The following PSD3 variants were observed in gnomAD, a reference collection of about 807,000 sequenced individuals.
PSD3 encodes the protein pleckstrin and Sec7 domain containing 3, also known as PH and SEC7 domain-containing protein 3.
In PSD3, 49 loss-of-function variants were observed where a neutral mutation model predicts 105.5. The observed-to-expected ratio is 0.46, with a 90% confidence interval of 0.37 to 0.59. The LOEUF is 0.59. PSD3 is among the 20% of genes least tolerant of loss of function. PSD3 has a pLI of 0.00. For synonymous variants in PSD3, 557 were observed against 457.8 expected, an observed-to-expected ratio of 1.22 and a Z score of -2.77; for missense variants, 1,561 against 1,263.8, an observed-to-expected ratio of 1.24 and a Z score of -3.57.
intron 1 of PSD3, among the ~76,000 whole-genome samples, chr8:19,081,260 A>C (rs947237961): frequency 2.0e-5 from 3 of 152,236 alleles, no homozygotes; most frequent in African/African-American, 7.2e-5. Flanking sequence ...GGCTGGACTC[A>C]TTCGTACAAG....
At chr8:18,846,129 T>G (rs1205444867) in intron 4 of PSD3, among the ~76,000 whole-genome samples, 3 of 152,168 alleles carry the variant, frequency 2.0e-5, no homozygotes, top group Non-Finnish European at 4.4e-5. Flanking sequence ...ATTTGCAGAT[T>G]CCCTCATGAT....
chr8:18,661,847 G>A (rs1317474367), intron 9 of PSD3, among the ~76,000 whole-genome samples: 1 of 152,282 alleles, frequency 6.6e-6, no homozygotes, highest in Non-Finnish European at 1.5e-5. Flanking sequence ...TTCCCTTTAA[G>A]CTATTTGTGT....
intron 9 of PSD3, among the ~76,000 whole-genome samples, chr8:18,723,570 A>G (rs994703450): frequency 6.6e-6 from 1 of 152,084 alleles, no homozygotes; most frequent in Non-Finnish European, 1.5e-5. Flanking sequence ...TTCCCTTTCT[A>G]TTTTGAGGTG....
At chr8:18,953,547 A>C (rs11984816) in intron 1 of PSD3, among the ~76,000 whole-genome samples, 1 of 151,950 alleles carries the variant, frequency 6.6e-6, no homozygotes, top group Non-Finnish European at 1.5e-5. Flanking sequence ...TCAGGAGTTC[A>C]AGACCAGCCT....
chr8:19,046,399 G>A (rs117200464), intron 1 of PSD3, among the ~76,000 whole-genome samples: 12,869 of 152,134 alleles, frequency 0.085, 723 homozygotes, highest in Non-Finnish European at 0.13. Flanking sequence ...CTGAGCCACC[G>A]TGCCTGGCCG....
chr8:18,947,726 G>A (rs946997874), intron 1 of PSD3, among the ~76,000 whole-genome samples: 2 of 152,160 alleles, frequency 1.3e-5, no homozygotes, highest in African/African-American at 4.8e-5. Flanking sequence ...TTAACCAGAT[G>A]GGAAGATTCT....
intron 2 of PSD3, among the ~76,000 whole-genome samples, chr8:18,903,989 T>G (rs1819677946): frequency 6.6e-6 from 1 of 152,114 alleles, no homozygotes; most frequent in Non-Finnish European, 1.5e-5. Flanking sequence ...TGATTCTGTT[T>G]TGCAGTGCTA....
chr8:18,655,595 A>C (rs747030665), intron 10 of PSD3, 47 bp downstream of exon 10: 12 of 1,565,954 alleles, frequency 7.7e-6, no homozygotes, highest in Non-Finnish European at 1.1e-5. Flanking sequence ...ACAGTAGGAA[A>C]AAAGTGAGTA....
At chr8:18,675,550 G>A (rs549498504) in intron 9 of PSD3, among the ~76,000 whole-genome samples, 2 of 152,236 alleles carry the variant, frequency 1.3e-5, no homozygotes, top group South Asian at 4.1e-4. Context: ...AGTCAGGCTA[G>A]GACTAGAGCC....
chr8:18,867,323 G>C (rs1021821149), intron 4 of PSD3, among the ~76,000 whole-genome samples: 1 of 152,138 alleles, frequency 6.6e-6, no homozygotes, highest in Non-Finnish European at 1.5e-5. Context: ...ACCACCCTCA[G>C]TGCCAGACTA....
At chr8:18,723,177 G>A (rs1424772306) in intron 9 of PSD3, among the ~76,000 whole-genome samples, 3 of 152,204 alleles carry the variant, frequency 2.0e-5, no homozygotes, top group Non-Finnish European at 4.4e-5. Flanking sequence ...GGCAGTGCAT[G>A]AACCCAGGAG....
intron 4 of PSD3, among the ~76,000 whole-genome samples, chr8:18,810,071 C>A (rs1811563228): frequency 6.6e-6 from 1 of 152,168 alleles, no homozygotes; most frequent in Non-Finnish European, 1.5e-5. Flanking sequence ...CTACTTGAAC[C>A]ACACAAATAC....
At chr8:18,565,312 C>T (rs1228909532) in intron 14 of PSD3, among the ~76,000 whole-genome samples, 1 of 152,096 alleles carries the variant, frequency 6.6e-6, no homozygotes, top group Middle Eastern at 3.2e-3. Flanking sequence ...AGAGCTACAC[C>T]AGAAGGAGAA....
intron 4 of PSD3, among the ~76,000 whole-genome samples, chr8:18,865,508 G>A (rs1301656965): frequency 6.6e-6 from 1 of 151,486 alleles, no homozygotes; most frequent in Non-Finnish European, 1.5e-5. Context: ...CTTGAATAGA[G>A]ACATACATCA....
intron 1 of PSD3, among the ~76,000 whole-genome samples, chr8:18,984,409 C>T (rs924709805): frequency 1.3e-5 from 2 of 151,876 alleles, no homozygotes; most frequent in Non-Finnish European, 2.9e-5. Flanking sequence ...CCCATGAAGA[C>T]AACATCACTG....
At chr8:18,584,251 T>C (rs1803006047) in intron 12 of PSD3, among the ~76,000 whole-genome samples, 1 of 152,222 alleles carries the variant, frequency 6.6e-6, no homozygotes, top group African/African-American at 2.4e-5. Context: ...GCCATCATTC[T>C]TTATTCAAGT....
At chr8:18,573,943 G>C (rs755876863) in intron 13 of PSD3, among the ~76,000 whole-genome samples, 1 of 152,230 alleles carries the variant, frequency 6.6e-6, no homozygotes, top group African/African-American at 2.4e-5. Flanking sequence ...TTTATGGTAC[G>C]TAAAGCATAC....
Position 18,871,802 on chromosome 8 carries a change from A to C in PSD3, c.1062T>G (p.Ser354Arg), listed in dbSNP as rs1381256419. The change falls in exon 3 of 16, where the codon AGT becomes AGG. Residue 354 changes from serine (S) to arginine (R), a missense_variant. Coordinates refer to ENST00000327040, the MANE Select transcript of PSD3 (RefSeq NM_015310.4). Reference protein sequence around the residue: ...LISSAGLCNSSSLTENVWDES... With the variant: ...LISSAGLCNSRSLTENVWDES... ...CATCCCAAACATTCTCAGTTAAACTACTTGAATTACACAAACCAGCTGATG... is the reference window on the plus strand; with the variant it reads ...CATCCCAAACATTCTCAGTTAAACTCCTTGAATTACACAAACCAGCTGATG... The C allele has an allele frequency of 5.0e-6, 8 of 1,614,206 alleles. No homozygotes were observed. The highest frequency in any genetic ancestry group is 6.8e-6 in the Non-Finnish European group (8 of 1,180,022).
chr8:18,570,558 G>A (rs61609017), intron 14 of PSD3, among the ~76,000 whole-genome samples: 23,639 of 148,212 alleles, frequency 0.16, 2,130 homozygotes, highest in East Asian at 0.37. Flanking sequence ...GAAAATTTTC[G>A]CAACCTACTA....
Sources: allele counts gnomAD v4.1 joint callset (sites outside exome capture counted in the v4.1 genomes callset), GRCh38; gene constraint gnomAD v4.1.1; transcripts MANE v1.5; gene names NCBI Gene and HGNC (gene_info 2026-07-23, HGNC 2026-07-21).